BNC2: variants seen among roughly 807,000 people sequenced by gnomAD.
BNC2 encodes basonuclin zinc finger protein 2.
BNC2 carries 20 observed loss-of-function variants against 76.3 expected under a neutral mutation model. That is an observed-to-expected ratio of 0.26 (90% CI 0.18 to 0.38). The LOEUF (loss-of-function observed/expected upper bound fraction) is 0.38. Ranked by LOEUF, BNC2 falls within the 10% of genes least tolerant of loss-of-function variation. The probability of loss-of-function intolerance (pLI) is 1.00; values close to 1 mark genes in which losing one functional copy is unlikely to be tolerated. For synonymous variants in BNC2, 582 were observed against 514.8 expected (o/e 1.13, Z -1.77); for missense variants, 1,382 against 1,399.8 (o/e 0.99, Z 0.20).
At chr9:16,775,638 T>C (rs1825945005) in intron 1 of BNC2, 1 of 193,114 alleles carries the variant, frequency 5.2e-6, no homozygotes, top group Non-Finnish European at 1.2e-5. Flanking sequence ...GCCTGAACTT[T>C]CAGTTCCTCT....
At chr9:16,803,278 AC>A (rs1817826926) in intron 1 of BNC2, among the ~76,000 whole-genome samples, 1 of 152,206 alleles carries the variant, frequency 6.6e-6, no homozygotes, top group Non-Finnish European at 1.5e-5. Context: ...AATTCTGAGG[AC>A]AGTGCTGAAA....
At chr9:16,562,353 AG>A (rs1819039830) in intron 4 of BNC2, among the ~76,000 whole-genome samples, 1 of 152,194 alleles carries the variant, frequency 6.6e-6, no homozygotes, top group African/African-American at 2.4e-5. Context: ...TGGGAAGAAA[AG>A]CCCCTAAGCA....
intron 1 of BNC2, among the ~76,000 whole-genome samples, chr9:16,761,046 C>T (rs1436869943): frequency 6.6e-6 from 1 of 150,950 alleles, no homozygotes. Context: ...AGTTCAAGAC[C>T]AGCCTGTAAA....
At chr9:16,672,360 G>A (rs1182789242) in intron 3 of BNC2, among the ~76,000 whole-genome samples, 1 of 152,146 alleles carries the variant, frequency 6.6e-6, no homozygotes, top group Non-Finnish European at 1.5e-5. Flanking sequence ...AGCTGGGCAT[G>A]GTGGCGGGCA....
At chr9:16,747,499 C>T (rs1245728056) in intron 1 of BNC2, among the ~76,000 whole-genome samples, 1 of 152,158 alleles carries the variant, frequency 6.6e-6, no homozygotes, top group African/African-American at 2.4e-5. Flanking sequence ...ATTCATTCTT[C>T]ACAAGTCCTC....
intron 5 of BNC2, among the ~76,000 whole-genome samples, chr9:16,532,055 AACAAC>A (rs1817992828): frequency 6.6e-6 from 1 of 150,558 alleles, no homozygotes; most frequent in South Asian, 2.1e-4. Context: ...TTTTTTTGGT[AACAAC>A]ACAGCTACTA....
chr9:16,614,200 C>T (rs1281869218), intron 3 of BNC2, among the ~76,000 whole-genome samples: 1 of 152,166 alleles, frequency 6.6e-6, no homozygotes, highest in African/African-American at 2.4e-5. Flanking sequence ...CGTAGGGGTA[C>T]ACCCTGAGAT....
intron 5 of BNC2, among the ~76,000 whole-genome samples, chr9:16,491,333 C>G (rs1822275693): frequency 6.6e-6 from 1 of 152,098 alleles, no homozygotes; most frequent in South Asian, 2.1e-4. Context: ...GTGATATACT[C>G]AACAGGTGGA....
chr9:16,569,466 G>A (rs181437522), intron 4 of BNC2, among the ~76,000 whole-genome samples: 22 of 152,084 alleles, frequency 1.4e-4, no homozygotes, highest in African/African-American at 5.3e-4. Flanking sequence ...AGCTCCACTC[G>A]AGACTATACA....
At chr9:16,488,646 T>C (rs1289189524) in intron 5 of BNC2, among the ~76,000 whole-genome samples, 1 of 152,210 alleles carries the variant, frequency 6.6e-6, no homozygotes, top group Non-Finnish European at 1.5e-5. Context: ...TATACTGTAT[T>C]GACTGTAACT....
chr9:16,855,694 C>T (rs1033693159), intron 1 of BNC2, among the ~76,000 whole-genome samples: 6 of 152,018 alleles, frequency 3.9e-5, no homozygotes, highest in East Asian at 1.9e-4. Flanking sequence ...CCCGCGACCA[C>T]GCCCGGCTGA....
chr9:16,606,590 T>C (rs1403951937), intron 3 of BNC2, among the ~76,000 whole-genome samples: 2 of 151,832 alleles, frequency 1.3e-5, no homozygotes, highest in Non-Finnish European at 2.9e-5. Context: ...TGGAGTGAAG[T>C]GGCGCAATCT....
At chr9:16,604,248 A>AT (rs1005297961) in intron 3 of BNC2, among the ~76,000 whole-genome samples, 8 of 152,138 alleles carry the variant, frequency 5.3e-5, no homozygotes, top group African/African-American at 1.9e-4. Context: ...TGTAAGAGAG[A>AT]TTTTTTAAAA....
At chr9:16,735,620 C>A (rs1824643899) in intron 2 of BNC2, among the ~76,000 whole-genome samples, 1 of 152,034 alleles carries the variant, frequency 6.6e-6, no homozygotes, top group Admixed American at 6.5e-5. Flanking sequence ...CCTCAGCCTA[C>A]CGAGTAGCTG....
chr9:16,531,194 A>C (rs1817963727), intron 5 of BNC2, among the ~76,000 whole-genome samples: 1 of 152,220 alleles, frequency 6.6e-6, no homozygotes, highest in East Asian at 1.9e-4. Context: ...AAACAAAAAC[A>C]AACTAGAAGA....
At chr9:16,423,472 T>G (rs1347967782) in intron 6 of BNC2, among the ~76,000 whole-genome samples, 1 of 152,192 alleles carries the variant, frequency 6.6e-6, no homozygotes, top group African/African-American at 2.4e-5. Flanking sequence ...GGTCCAAACC[T>G]TAGCCCCAGA....
At chr9:16,582,882 C>G in intron 4 of BNC2, 101 bp downstream of exon 4, 1 of 905,344 alleles carries the variant, frequency 1.1e-6, no homozygotes, top group Non-Finnish European at 1.8e-6. Flanking sequence ...GCCAGTGACT[C>G]CTCTAAACAG....
chr9:16,857,338 G>A (rs921547503), intron 1 of BNC2, among the ~76,000 whole-genome samples: 3 of 151,924 alleles, frequency 2.0e-5, no homozygotes, highest in Non-Finnish European at 4.4e-5. Flanking sequence ...TTAGCCGGGC[G>A]GGTTGGCAGG....
chr9:16,528,637 T>C (rs966538624), intron 5 of BNC2, among the ~76,000 whole-genome samples: 1 of 152,252 alleles, frequency 6.6e-6, no homozygotes, highest in African/African-American at 2.4e-5. Context: ...ATTCTACTTC[T>C]AAATATTTAT....
Sources: gnomAD v4.1 joint callset for allele counts (sites outside exome capture counted in the v4.1 genomes callset) on GRCh38, gnomAD v4.1.1 for gene constraint, MANE v1.5 for transcripts, NCBI Gene and HGNC (gene_info 2026-07-23, HGNC 2026-07-21) for gene names.